SLIT1: variants seen among roughly 807,000 people sequenced by gnomAD.
The protein encoded by SLIT1 is slit homolog 1 protein.
Under a neutral mutation model 186.1 loss-of-function variants are expected in SLIT1, and 66 were observed. That is an observed-to-expected ratio of 0.35 (90% CI 0.29 to 0.44). The LOEUF is 0.44. SLIT1 is among the 20% of genes least tolerant of loss of function. SLIT1 has a pLI of 1.00. For missense variants in SLIT1, 1,638 were observed against 2,037.4 expected (o/e 0.80, Z 3.77); for synonymous variants, 761 against 833.8 (o/e 0.91, Z 1.50).
chr10:97,031,745 C>G, intron 23 of SLIT1, 68 bp from the exon 24 acceptor site: 1 of 1,305,312 alleles, frequency 7.7e-7, no homozygotes, highest in South Asian at 1.3e-5. Context: ...CAGCCGCCGC[C>G]CAGGACGTGG....
chr10:97,143,325 T>A (rs1426119361), intron 4 of SLIT1, among the ~76,000 whole-genome samples: 1 of 152,202 alleles, frequency 6.6e-6, no homozygotes, highest in East Asian at 1.9e-4. Context: ...TCCTGGCGCA[T>A]GCTATAGCAC....
chr10:97,179,144 C>G (rs1850296693), intron 1 of SLIT1, among the ~76,000 whole-genome samples: 1 of 152,202 alleles, frequency 6.6e-6, no homozygotes, highest in Non-Finnish European at 1.5e-5. Flanking sequence ...CCATCTCACT[C>G]CCATCTAGCG....
rs776313936 is a variant in SLIT1, at chr10:97,063,632, G to A, written c.630-14C>T. 2 of 1,586,322 alleles carry A rather than the reference G, an allele frequency of 1.3e-6. No homozygotes were observed. Among genetic ancestry groups the A allele is most frequent in the South Asian group, 1.2e-5 (1 of 84,296 alleles). On this transcript the variant is annotated splice_polypyrimidine_tract_variant and intron_variant, in intron 7 of 36. Transcript: ENST00000266058. The stretch of plus-strand genomic sequence containing the variant: ...GAGTGCAGGCGGCTGCAAGAGGACA[G>A]GATGGCTCACAACCCATCTGGATCC...
At chr10:97,107,672 G>C (rs1375609092) in intron 4 of SLIT1, among the ~76,000 whole-genome samples, 1 of 152,198 alleles carries the variant, frequency 6.6e-6, no homozygotes, top group African/African-American at 2.4e-5. Context: ...CAAAGGTCCG[G>C]CTGGGAAAGC....
intron 28 of SLIT1, among the ~76,000 whole-genome samples, chr10:97,016,077 G>A (rs1298795581): frequency 2.0e-5 from 3 of 152,226 alleles, no homozygotes; most frequent in Non-Finnish European, 4.4e-5. Flanking sequence ...GGGAGGCCAA[G>A]GTGGGTGGAT....
At chr10:97,161,742 C>T (rs989295772) in intron 3 of SLIT1, among the ~76,000 whole-genome samples, 1 of 152,186 alleles carries the variant, frequency 6.6e-6, no homozygotes, top group African/African-American at 2.4e-5. Flanking sequence ...TGCGCCATTG[C>T]ACTCCAGCCT....
In SLIT1 at chr10:97,064,237, G is replaced by T. The variant is rs779995038; in HGVS notation, c.560C>A (p.Thr187Asn). ...FRALRGLEVL[T>N]LNNNNITTIP... is the part of the protein sequence containing the mutation. ...GGTGGTGATATTGTTGTTGTTCAGGGTCCTAAATGGGAAAAACCAGAGTCA... is the reference window on the plus strand; with the variant it reads ...GGTGGTGATATTGTTGTTGTTCAGGTTCCTAAATGGGAAAAACCAGAGTCA... Residue 187 changes from threonine (T) to asparagine (N), a missense_variant and splice_region_variant, in exon 7 of 37, where the codon ACC (threonine) becomes AAC (asparagine). Thr to Asn is a moderately conservative substitution (Grantham distance 65, BLOSUM62 0). Coordinates refer to ENST00000266058, the MANE Select transcript of SLIT1 (RefSeq NM_003061.3). 13 of 1,613,494 alleles carry T rather than the reference G, an allele frequency of 8.1e-6. No individual in the cohort carries two copies. The highest frequency in any genetic ancestry group is 1.1e-5 in the Non-Finnish European group (13 of 1,179,710).
chr10:97,075,878 T>C (rs1849040807), intron 4 of SLIT1, among the ~76,000 whole-genome samples: 1 of 152,162 alleles, frequency 6.6e-6, no homozygotes, highest in Non-Finnish European at 1.5e-5. Context: ...GCAAACCAGA[T>C]TATAACCTCT....
chr10:97,069,651 G>T (rs554376147), intron 4 of SLIT1, among the ~76,000 whole-genome samples: 124 of 152,300 alleles, frequency 8.1e-4, no homozygotes, highest in South Asian at 3.9e-3. Context: ...AATGAGGAAA[G>T]GGTGTTCTAA....
intron 28 of SLIT1, among the ~76,000 whole-genome samples, chr10:97,014,662 T>A (rs1848439475): frequency 6.6e-6 from 1 of 152,036 alleles, no homozygotes; most frequent in South Asian, 2.1e-4. Context: ...AGGTCAGGAG[T>A]TGGAGACCAG....
At chr10:97,051,669 C>T (rs1010668815) in intron 13 of SLIT1, among the ~76,000 whole-genome samples, 1 of 151,956 alleles carries the variant, frequency 6.6e-6, no homozygotes, top group Non-Finnish European at 1.5e-5. Flanking sequence ...AAGAATTAGC[C>T]GGGCATGGTG....
chr10:97,140,483 C>T lies in SLIT1; in HGVS notation c.413+17335G>A, dbSNP rs1490480899. On this transcript the variant is annotated intron_variant, in intron 4 of 36. Transcript: ENST00000266058. ...AATTCTCCGCTGTGTTTGCACAGCA[C>T]GAGTGGGCCCCCAAGTTGCCTGGAG... is the stretch of plus-strand genomic sequence containing the variant. 3.3e-5 allele frequency among the ~76,000 whole-genome samples: 5 copies of T among 152,208 alleles called. No individual in the cohort carries two copies. In the East Asian group the frequency reaches 7.7e-4, roughly 23 times the overall value.
At chr10:97,001,736 C>T (rs1366187571) in intron 36 of SLIT1, among the ~76,000 whole-genome samples, 5 of 152,092 alleles carry the variant, frequency 3.3e-5, no homozygotes, top group African/African-American at 9.7e-5. Context: ...TCCAGCTTCT[C>T]CCTGCCCAGC....
At chr10:97,065,793 G>C in intron 5 of SLIT1, 1 of 507,082 alleles carries the variant, frequency 2.0e-6, no homozygotes, top group Non-Finnish European at 3.6e-6. Flanking sequence ...GGCCCCCTCC[G>C]TTGGCTCTCA....
intron 4 of SLIT1, among the ~76,000 whole-genome samples, chr10:97,092,050 C>T (rs1849237894): frequency 6.6e-6 from 1 of 152,230 alleles, no homozygotes; most frequent in African/African-American, 2.4e-5. Flanking sequence ...CGAACCAGGC[C>T]ACCCACAAGG....
In SLIT1 at chr10:97,043,552, G is replaced by A. The variant is rs1488523026; in HGVS notation, c.1854-39C>T. The A allele has an allele frequency of 6.3e-7, 1 of 1,589,596 alleles. No homozygotes were observed. The highest frequency in any genetic ancestry group is 1.7e-5 in the Admixed American group (1 of 59,354). On this transcript the variant is annotated intron_variant, in intron 18 of 36. Coordinates refer to ENST00000266058, the MANE Select transcript of SLIT1 (RefSeq NM_003061.3). The surrounding 1 kb of genome is among the most constrained non-coding windows in gnomAD (Gnocchi z 7.0). ...GGGGAGGGAGGAGGGGACCCTTGCTGCCCTGCCAGCCATCCACCTGGGCCA... is the reference window on the plus strand; with the variant it reads ...GGGGAGGGAGGAGGGGACCCTTGCTACCCTGCCAGCCATCCACCTGGGCCA...
rs532323490 is a variant in SLIT1, at chr10:97,011,696, G to A, written c.3204-566C>T. ...CCCAAAACACTCCCTTTGGGCTCCT[G>A]TCTGCCTATCAAATAAATAAAGGAT... On this transcript the variant is annotated intron_variant, in intron 30 of 36. Transcript: ENST00000266058. Among the ~76,000 whole-genome samples, 3 of 152,250 alleles carry A rather than the reference G, an allele frequency of 2.0e-5. No homozygotes were observed. In the South Asian group the frequency reaches 6.2e-4, roughly 32 times the overall value.
In SLIT1 at chr10:97,022,051, C is replaced by T. The variant is rs61707312; in HGVS notation, c.2583-638G>A. On this transcript the variant is annotated intron_variant, in intron 25 of 36. Transcript: ENST00000266058. The surrounding 1 kb of genome is among the most constrained non-coding windows in gnomAD (Gnocchi z 4.2). ...CCAGAGCCTACGAATGCACTGCCTC[C>T]AGTGTGCATGGGGAGAAAGCAACCC... 0.055 allele frequency among the ~76,000 whole-genome samples: 8,416 copies of T among 152,276 alleles called. 338 individuals carry two copies. The highest frequency in any genetic ancestry group is 0.18 in the South Asian group (883 of 4,816).
At chr10:97,183,174 C>G (rs987338506) in intron 1 of SLIT1, among the ~76,000 whole-genome samples, 3 of 152,078 alleles carry the variant, frequency 2.0e-5, no homozygotes, top group African/African-American at 7.2e-5. Context: ...CCCAGTGTTC[C>G]CACAGTCCGT....
Sources: gnomAD v4.1 joint callset for allele counts (sites outside exome capture counted in the v4.1 genomes callset) on GRCh38, gnomAD v4.1.1 for gene constraint, Gnocchi (gnomAD v3.1) non-coding constraint, MANE v1.5 for transcripts, NCBI Gene and HGNC (gene_info 2026-07-23, HGNC 2026-07-21) for gene names.